CADPS: variants seen among roughly 807,000 people sequenced by gnomAD.
CADPS encodes the protein calcium-dependent secretion activator 1.
In CADPS, 57 loss-of-function variants were observed where a neutral mutation model predicts 167.3. The observed-to-expected ratio is 0.34, with a 90% confidence interval of 0.28 to 0.42. The LOEUF is 0.42. Ranked by LOEUF, CADPS falls within the 20% of genes least tolerant of loss-of-function variation. The pLI, the probability that CADPS is intolerant of heterozygous loss-of-function variation, is 1.00. For missense variants in CADPS, 1,414 were observed against 1,738.1 expected (o/e 0.81, Z 3.32); for synonymous variants, 676 against 635.3 (o/e 1.06, Z -0.96).
chr3:62,720,993 A>G (rs2075683013), intron 3 of CADPS, among the ~76,000 whole-genome samples: 1 of 150,492 alleles, frequency 6.6e-6, no homozygotes, highest in Non-Finnish European at 1.5e-5. Context: ...AATTTTTTGT[A>G]TTTTTAGTAG....
chr3:62,403,499 A>G (rs1251687074), intron 28 of CADPS: 1 of 183,066 alleles, frequency 5.5e-6, no homozygotes, highest in African/African-American at 2.3e-5. Context: ...TCTCTTTTTT[A>G]TTGGTTAATT....
At chr3:62,477,017 A>T (rs1309117956) in intron 23 of CADPS, among the ~76,000 whole-genome samples, 1 of 152,184 alleles carries the variant, frequency 6.6e-6, no homozygotes, top group African/African-American at 2.4e-5. Context: ...AATCTGGATC[A>T]CTACAACTTT....
chr3:62,501,401 C>T (rs1015694101), intron 17 of CADPS, among the ~76,000 whole-genome samples: 1 of 152,120 alleles, frequency 6.6e-6, no homozygotes, highest in African/African-American at 2.4e-5. Flanking sequence ...GAGGTATTTG[C>T]ATTTTGATAG....
intron 17 of CADPS, chr3:62,499,832 T>C (rs1187958493): frequency 6.6e-6 from 1 of 152,502 alleles, no homozygotes; most frequent in Non-Finnish European, 1.5e-5. Flanking sequence ...TCAGGAATAA[T>C]AATTCTTAAA....
At chr3:62,548,204 G>C (rs1242894291) in intron 11 of CADPS, among the ~76,000 whole-genome samples, 1 of 152,036 alleles carries the variant, frequency 6.6e-6, no homozygotes, top group African/African-American at 2.4e-5. Context: ...GGTGAAAGGA[G>C]GGATTTTTGT....
intron 3 of CADPS, among the ~76,000 whole-genome samples, chr3:62,748,168 C>A (rs1232647772): frequency 4.6e-3 from 293 of 63,050 alleles, no homozygotes; most frequent in African/African-American, 5.0e-3. Flanking sequence ...ACTAAAATTA[C>A]AAAAAAAAAA....
Position 62,422,669 on chromosome 3 carries a change from G to A in CADPS, c.3777+15435C>T, listed in dbSNP as rs182647397. 2.5e-3 allele frequency among the ~76,000 whole-genome samples: 381 copies of A among 152,214 alleles called. 2 individuals are homozygous for A. The highest frequency in any genetic ancestry group is 8.8e-3 in the African/African-American group (364 of 41,526). ...TTAGGCATTATTGGATAATGACCAC[G>A]TAATGATTTAGTTGCAACTCCATTT... On this transcript the variant is annotated intron_variant, in intron 28 of 29. Transcript: ENST00000383710.
At chr3:62,669,131 C>A (rs1345735847) in intron 3 of CADPS, among the ~76,000 whole-genome samples, 2 of 152,172 alleles carry the variant, frequency 1.3e-5, no homozygotes, top group Admixed American at 6.5e-5. Context: ...CACCTGCTGA[C>A]CTGGGTTTAG....
At chr3:62,552,350 C>T (rs944003124) in intron 10 of CADPS, among the ~76,000 whole-genome samples, 2 of 152,064 alleles carry the variant, frequency 1.3e-5, no homozygotes, top group Non-Finnish European at 2.9e-5. Context: ...GCACGTTGTG[C>T]ACATGTACCC....
At chr3:62,724,636 TCA>T (rs149738602) in intron 3 of CADPS, among the ~76,000 whole-genome samples, 2 of 152,012 alleles carry the variant, frequency 1.3e-5, no homozygotes, top group Non-Finnish European at 2.9e-5. Flanking sequence ...GTGTTATGCG[TCA>T]CACACACACA....
intron 6 of CADPS, among the ~76,000 whole-genome samples, chr3:62,599,740 T>TA (rs577469984): frequency 0.024 from 1,009 of 42,740 alleles, 56 homozygotes; most frequent in African/African-American, 0.032. Flanking sequence ...ATATATAATA[T>TA]ATATAATCTA....
chr3:62,676,612 T>A (rs1254009749), intron 3 of CADPS, among the ~76,000 whole-genome samples: 1 of 152,106 alleles, frequency 6.6e-6, no homozygotes, highest in African/African-American at 2.4e-5. Context: ...GTTCAGAGAT[T>A]ATTATTGTCG....
chr3:62,635,435 CA>C (rs1563163796), intron 6 of CADPS, among the ~76,000 whole-genome samples: 1 of 151,990 alleles, frequency 6.6e-6, no homozygotes. Flanking sequence ...GAAGAACATC[CA>C]AAAAACAACA....
chr3:62,504,024 A>T (rs1195249647), intron 17 of CADPS, among the ~76,000 whole-genome samples: 1 of 152,220 alleles, frequency 6.6e-6, no homozygotes, highest in African/African-American at 2.4e-5. Flanking sequence ...GCAGGCATGT[A>T]GGAAATGGAA....
At chr3:62,477,884 A>G (rs971023425) in intron 23 of CADPS, 28 of 196,332 alleles carry the variant, frequency 1.4e-4, no homozygotes, top group African/African-American at 6.4e-4. Flanking sequence ...AGAATTGCAT[A>G]TTCTTCTTTT....
At chr3:62,841,555 A>T (rs2076650394) in intron 1 of CADPS, among the ~76,000 whole-genome samples, 1 of 152,172 alleles carries the variant, frequency 6.6e-6, no homozygotes, top group African/African-American at 2.4e-5. Context: ...GTCTCTACAA[A>T]AAAATACAAA....
At chr3:62,613,593 TGAATGGTTA>T (rs2061814481) in intron 6 of CADPS, among the ~76,000 whole-genome samples, 1 of 152,200 alleles carries the variant, frequency 6.6e-6, no homozygotes, top group Non-Finnish European at 1.5e-5. Context: ...AAGAGCATCA[TGAATGGTTA>T]GTGTTTGGTG....
intron 17 of CADPS, among the ~76,000 whole-genome samples, chr3:62,509,491 G>T (rs2067335931): frequency 6.6e-6 from 1 of 151,956 alleles, no homozygotes; most frequent in Non-Finnish European, 1.5e-5. Context: ...TTGCCAGCTT[G>T]GTTCTCTTTC....
At chr3:62,657,556 T>A (rs940876852) in intron 4 of CADPS, among the ~76,000 whole-genome samples, 1 of 152,158 alleles carries the variant, frequency 6.6e-6, no homozygotes, top group African/African-American at 2.4e-5. Context: ...AATATCAACA[T>A]GAGAGGATTT....
Sources: gnomAD v4.1 joint callset for allele counts (sites outside exome capture counted in the v4.1 genomes callset) on GRCh38, gnomAD v4.1.1 for gene constraint, MANE v1.5 for transcripts, NCBI Gene and HGNC (gene_info 2026-07-23, HGNC 2026-07-21) for gene names.